The following PPARD variants were observed in gnomAD, a reference collection of about 807,000 sequenced individuals.
The protein encoded by PPARD is peroxisome proliferator-activated receptor delta.
A neutral mutation model predicts 39.5 loss-of-function variants in PPARD; 6 were observed. The observed-to-expected ratio is 0.15, with a 90% CI of 0.08 to 0.30. The LOEUF (loss-of-function observed/expected upper bound fraction) is 0.30. Ranked by LOEUF, PPARD falls within the 10% of genes least tolerant of loss-of-function variation. The pLI is 1.00. For synonymous variants in PPARD, 210 were observed against 231.3 expected, an observed-to-expected ratio of 0.91 and a Z score of 0.83; for missense variants, 397 against 596.8, an observed-to-expected ratio of 0.67 and a Z score of 3.49.
At chr6:35,351,587 C>G (rs2150437092) in intron 2 of PPARD, among the ~76,000 whole-genome samples, 1 of 152,290 alleles carries the variant, frequency 6.6e-6, no homozygotes, top group Non-Finnish European at 1.5e-5. Flanking sequence ...GCATCTCCCT[C>G]AGTCACCCAG....
intron 4 of PPARD, among the ~76,000 whole-genome samples, chr6:35,421,377 G>T (rs1766158388): frequency 6.6e-6 from 1 of 151,098 alleles, no homozygotes; most frequent in African/African-American, 2.4e-5. Flanking sequence ...CACTCTTGTT[G>T]TCCAGGCTGG....
chr6:35,403,974 A>G (rs1475760022), intron 2 of PPARD, among the ~76,000 whole-genome samples: 1 of 152,192 alleles, frequency 6.6e-6, no homozygotes, highest in African/African-American at 2.4e-5. Flanking sequence ...TCTTCAGCAC[A>G]CAGGAGTCAT....
rs912496328 is a variant in PPARD at position 35,411,013 on chromosome 6, C to G, written c.-75C>G. ...CTGATGGGAACCACCCTGTAGAGGTCCATCTGCGTTCAGACCCAGACGATG... is the reference window on the plus strand; with the variant it reads ...CTGATGGGAACCACCCTGTAGAGGTGCATCTGCGTTCAGACCCAGACGATG... On this transcript the variant is annotated 5_prime_UTR_variant, in exon 3 of 8. Transcript: ENST00000360694. The G allele has an allele frequency of 2.2e-6, 3 of 1,362,962 alleles. No homozygotes were observed. The highest frequency in any genetic ancestry group is 5.6e-5 in the East Asian group (2 of 35,972). The allele number at this position is 1,362,962 out of a possible 1,614,324, so 84.4% of individuals were successfully genotyped here. A position where few individuals can be genotyped will look rare whatever the true frequency, so the allele number is the denominator to read the frequency against.
chr6:35,360,864 C>G (rs1255416116), intron 2 of PPARD, among the ~76,000 whole-genome samples: 2 of 152,164 alleles, frequency 1.3e-5, no homozygotes, highest in Non-Finnish European at 2.9e-5. Flanking sequence ...AGGGATGGCG[C>G]TAGAAATCAG....
chr6:35,377,250 G>A (rs368094906), intron 2 of PPARD, among the ~76,000 whole-genome samples: 3 of 152,068 alleles, frequency 2.0e-5, no homozygotes, highest in East Asian at 3.9e-4. Context: ...AATTCTTCTC[G>A]CACATAGGCA....
chr6:35,387,716 CTTTTTTT>C (rs61314141), intron 2 of PPARD, among the ~76,000 whole-genome samples: 2 of 89,358 alleles, frequency 2.2e-5, no homozygotes, highest in South Asian at 3.9e-4. Context: ...ACACTGCATT[CTTTTTTT>C]TTTTTTTTTT....
chr6:35,426,214 T>C lies in PPARD; in HGVS notation c.*135T>C, dbSNP rs1461508426. ...AGTCCCACGATCGCCCTCAGACACATGACACCCACGGCCTCTGGCTCCCTG... is the reference window on the plus strand; with the variant it reads ...AGTCCCACGATCGCCCTCAGACACACGACACCCACGGCCTCTGGCTCCCTG... On this transcript the variant is annotated 3_prime_UTR_variant, in exon 8 of 8. Coordinates refer to ENST00000360694, the MANE Select transcript of PPARD (RefSeq NM_006238.5). The C allele has an allele frequency of 3.2e-6, 4 of 1,245,046 alleles. No homozygotes were observed. Among genetic ancestry groups the C allele is most frequent in the Non-Finnish European group, 4.4e-6 (4 of 916,234 alleles). 77.1% of individuals were successfully genotyped at this position (1,245,046 alleles called of 1,614,324 possible).
intron 4 of PPARD, among the ~76,000 whole-genome samples, chr6:35,421,309 GT>G (rs111495656): frequency 0.34 from 25,774 of 74,988 alleles, 4,730 homozygotes; most frequent in African/African-American, 0.58. Flanking sequence ...AAATAGTTGT[GT>G]TTTTTTTTTG....
chr6:35,400,868 A>T (rs2150728762), intron 2 of PPARD, among the ~76,000 whole-genome samples: 1 of 152,142 alleles, frequency 6.6e-6, no homozygotes, highest in African/African-American at 2.4e-5. Context: ...CCCCTAAAGC[A>T]GGGCTGTTGA....
chr6:35,409,872 C>T (rs1194103002), intron 2 of PPARD, among the ~76,000 whole-genome samples: 1 of 152,190 alleles, frequency 6.6e-6, no homozygotes, highest in Non-Finnish European at 1.5e-5. Context: ...CAAGCTGCTC[C>T]CCAAACCAAT....
chr6:35,416,154 GGTGGATCA>G (rs1457391840), intron 3 of PPARD, among the ~76,000 whole-genome samples: 1 of 151,910 alleles, frequency 6.6e-6, no homozygotes, highest in Non-Finnish European at 1.5e-5. Flanking sequence ...GGCCAAGGTG[GGTGGATCA>G]CCTGAGGTCA....
At chr6:35,404,276 G>A (rs9658127) in intron 2 of PPARD, among the ~76,000 whole-genome samples, 13,525 of 152,202 alleles carry the variant, frequency 0.089, 1,563 homozygotes, top group African/African-American at 0.27. Flanking sequence ...TAATTTCCAC[G>A]TCAGTTAAAT....
At chr6:35,371,780 C>T (rs1286953337) in intron 2 of PPARD, among the ~76,000 whole-genome samples, 3 of 152,230 alleles carry the variant, frequency 2.0e-5, no homozygotes, top group Non-Finnish European at 4.4e-5. Context: ...TCCTATGCTG[C>T]AGACGTACAT....
At chr6:35,413,483 C>A (rs1765561583) in intron 3 of PPARD, among the ~76,000 whole-genome samples, 1 of 152,142 alleles carries the variant, frequency 6.6e-6, no homozygotes. Flanking sequence ...GACAAGCAAC[C>A]TAGCAGGAAA....
chr6:35,371,057 T>C (rs1176796976), intron 2 of PPARD, among the ~76,000 whole-genome samples: 1 of 152,202 alleles, frequency 6.6e-6, no homozygotes, highest in Non-Finnish European at 1.5e-5. Flanking sequence ...TCTCAAGCAT[T>C]ACAGATGCCT....
intron 2 of PPARD, among the ~76,000 whole-genome samples, chr6:35,378,527 C>G (rs548149400): frequency 2.0e-5 from 3 of 152,214 alleles, no homozygotes; most frequent in African/African-American, 7.2e-5. Context: ...GGTTTCCAGA[C>G]TTAAGAATGC....
intron 5 of PPARD, among the ~76,000 whole-genome samples, 173 bp from the exon 6 acceptor site, chr6:35,423,773 T>C (rs1766375506): frequency 6.6e-6 from 1 of 151,598 alleles, no homozygotes; most frequent in Admixed American, 6.6e-5. Context: ...TCACATCTTG[T>C]GGAGCTTGCG....
intron 1 of PPARD, among the ~76,000 whole-genome samples, chr6:35,344,936 T>G (rs1792083186): frequency 6.6e-6 from 1 of 152,230 alleles, no homozygotes; most frequent in Non-Finnish European, 1.5e-5. Context: ...TTCCTGTGAA[T>G]AGCATCTCTC....
intron 2 of PPARD, among the ~76,000 whole-genome samples, chr6:35,385,666 A>C (rs541466515): frequency 1.5e-4 from 23 of 149,532 alleles, no homozygotes; most frequent in South Asian, 1.1e-3. Context: ...AAAAAAAAAA[A>C]ACAAATGGGT....
Sources: gnomAD v4.1 joint callset for allele counts (sites outside exome capture counted in the v4.1 genomes callset) on GRCh38, gnomAD v4.1.1 for gene constraint, MANE v1.5 for transcripts, NCBI Gene and HGNC (gene_info 2026-07-23, HGNC 2026-07-21) for gene names.